DPYD: variants seen among roughly 807,000 people sequenced by gnomAD.
DPYD encodes dihydropyrimidine dehydrogenase [NADP(+)].
Under a neutral mutation model 116.2 loss-of-function variants are expected in DPYD, and 109 were observed. That is an observed-to-expected ratio of 0.94 (90% CI 0.80 to 1.10). The LOEUF (loss-of-function observed/expected upper bound fraction) is 1.10, where lower values mean the gene tolerates loss of function less well. Ranked by LOEUF, DPYD falls within the 50% of genes least tolerant of loss-of-function variation. The pLI, the probability that DPYD is intolerant of heterozygous loss-of-function variation, is 0.00. For missense variants in DPYD, 1,302 were observed against 1,254.5 expected (o/e 1.04, Z -0.57); for synonymous variants, 440 against 432.0 (o/e 1.02, Z -0.23).
chr1:97,732,317 T>C (rs1226358074), intron 4 of DPYD, among the ~76,000 whole-genome samples: 1 of 151,534 alleles, frequency 6.6e-6, no homozygotes, highest in Non-Finnish European at 1.5e-5. Context: ...TTTACTAAAA[T>C]ACAAAAAATT....
chr1:97,317,390 C>T (rs1424228108), intron 16 of DPYD, among the ~76,000 whole-genome samples: 2 of 151,870 alleles, frequency 1.3e-5, no homozygotes, highest in African/African-American at 4.8e-5. Context: ...ATTAAAAAGA[C>T]CTCAGTGGGT....
At chr1:97,365,604 T>C (rs376536051) in intron 16 of DPYD, among the ~76,000 whole-genome samples, 1 of 152,278 alleles carries the variant, frequency 6.6e-6, no homozygotes, top group East Asian at 1.9e-4. Context: ...ATAAAACAAA[T>C]GAGAACAATA....
intron 1 of DPYD, among the ~76,000 whole-genome samples, chr1:97,896,297 G>T (rs1444748058): frequency 6.6e-6 from 1 of 151,684 alleles, no homozygotes; most frequent in African/African-American, 2.4e-5. Flanking sequence ...CTGGAAAAGG[G>T]CATGAACAGA....
chr1:97,125,195 A>G (rs1312451559), intron 20 of DPYD, among the ~76,000 whole-genome samples: 1 of 152,118 alleles, frequency 6.6e-6, no homozygotes, highest in Non-Finnish European at 1.5e-5. Context: ...ATATTTTAAA[A>G]TAATCCCCCA....
At chr1:97,522,277 T>C (rs1378728986) in intron 12 of DPYD, among the ~76,000 whole-genome samples, 2 of 152,146 alleles carry the variant, frequency 1.3e-5, no homozygotes, top group East Asian at 1.9e-4. Context: ...CAAAAGAAGA[T>C]ATTTATGTGG....
intron 3 of DPYD, among the ~76,000 whole-genome samples, chr1:97,746,014 G>C (rs981027917): frequency 6.6e-6 from 1 of 152,004 alleles, no homozygotes; most frequent in Non-Finnish European, 1.5e-5. Flanking sequence ...GAAAAAAAAA[G>C]TGAAAGGTAG....
intron 1 of DPYD, among the ~76,000 whole-genome samples, chr1:97,907,045 G>T (rs567289152): frequency 6.6e-6 from 1 of 152,190 alleles, no homozygotes; most frequent in Admixed American, 6.5e-5. Flanking sequence ...TGACTAGCAG[G>T]CAGGGAGCTT....
At chr1:97,283,563 T>C (rs1308701603) in intron 18 of DPYD, among the ~76,000 whole-genome samples, 1 of 152,144 alleles carries the variant, frequency 6.6e-6, no homozygotes, top group East Asian at 1.9e-4. Context: ...GCCATATTCA[T>C]TTCTAATTTG....
intron 3 of DPYD, among the ~76,000 whole-genome samples, chr1:97,798,500 C>G (rs1667692282): frequency 6.6e-6 from 1 of 151,782 alleles, no homozygotes. Context: ...TATTATTCTA[C>G]CCATTTTAAG....
At chr1:97,773,714 T>C (rs1037721750) in intron 3 of DPYD, among the ~76,000 whole-genome samples, 3 of 152,202 alleles carry the variant, frequency 2.0e-5, no homozygotes, top group Non-Finnish European at 2.9e-5. Flanking sequence ...GGAATTTGGC[T>C]GAGGGTGGTT....
At chr1:97,256,231 T>A (rs1273586485) in intron 18 of DPYD, among the ~76,000 whole-genome samples, 1 of 152,146 alleles carries the variant, frequency 6.6e-6, no homozygotes, top group Admixed American at 6.5e-5. Context: ...TACCCAATAA[T>A]AGCAGTCTTT....
intron 1 of DPYD, among the ~76,000 whole-genome samples, chr1:97,886,758 A>T (rs1672511030): frequency 6.6e-6 from 1 of 152,022 alleles, no homozygotes; most frequent in African/African-American, 2.4e-5. Flanking sequence ...AAAAATGTTC[A>T]TGTCAAACAA....
At chr1:97,691,576 G>C (rs1467313192) in intron 7 of DPYD, 141 bp downstream of exon 7, 1 of 718,702 alleles carries the variant, frequency 1.4e-6, no homozygotes, top group Non-Finnish European at 2.4e-6. Flanking sequence ...CCCTAAGCAA[G>C]GGGAAGCATC....
intron 8 of DPYD, among the ~76,000 whole-genome samples, chr1:97,601,365 A>C (rs1217238317): frequency 6.6e-6 from 1 of 152,060 alleles, no homozygotes; most frequent in Non-Finnish European, 1.5e-5. Flanking sequence ...TTCATAATAA[A>C]CACTTTCAAA....
At chr1:97,540,512 C>T (rs149565088) in intron 12 of DPYD, among the ~76,000 whole-genome samples, 35 of 152,288 alleles carry the variant, frequency 2.3e-4, no homozygotes, top group Admixed American at 9.8e-4. Flanking sequence ...AAGCTTCTGT[C>T]CCTGTGGAGC....
At chr1:97,584,422 C>T (rs899039946) in intron 10 of DPYD, among the ~76,000 whole-genome samples, 11 of 152,014 alleles carry the variant, frequency 7.2e-5, no homozygotes, top group Non-Finnish European at 1.2e-4. Flanking sequence ...TAATTAGATC[C>T]TATTTGTCAA....
At chr1:97,745,288 C>A (rs1381997585) in intron 3 of DPYD, among the ~76,000 whole-genome samples, 3 of 152,086 alleles carry the variant, frequency 2.0e-5, no homozygotes, top group African/African-American at 7.2e-5. Context: ...TGCCTTTTAA[C>A]CACACCTGTG....
At chr1:97,398,458 A>G (rs1673143945) in intron 14 of DPYD, among the ~76,000 whole-genome samples, 1 of 152,100 alleles carries the variant, frequency 6.6e-6, no homozygotes, top group Non-Finnish European at 1.5e-5. Context: ...TTGGGTATAT[A>G]CTCAGTAATG....
intron 13 of DPYD, among the ~76,000 whole-genome samples, chr1:97,497,356 A>G (rs1365168196): frequency 2.0e-5 from 3 of 151,928 alleles, no homozygotes; most frequent in Non-Finnish European, 1.5e-5. Flanking sequence ...ATAACTAGCT[A>G]TTCTTTGGAA....
Sources: allele counts gnomAD v4.1 joint callset (sites outside exome capture counted in the v4.1 genomes callset), GRCh38; gene constraint gnomAD v4.1.1; transcripts MANE v1.5; gene names NCBI Gene and HGNC (gene_info 2026-07-23, HGNC 2026-07-21).